Variants in HS2ST1 observed in about 807,000 individuals in gnomAD.
HS2ST1 encodes 2-O-sulfotransferase.
HS2ST1 carries 18 observed loss-of-function variants against 42.9 expected under a neutral mutation model. The observed-to-expected ratio is 0.42, with a 90% CI of 0.29 to 0.62. The LOEUF (loss-of-function observed/expected upper bound fraction) is 0.62, where lower values mean the gene tolerates loss of function less well. HS2ST1 is among the 20% of genes least tolerant of loss of function. HS2ST1 has a pLI of 0.21. For missense variants in HS2ST1, 334 were observed against 433.8 expected (o/e 0.77, Z 2.04); for synonymous variants, 146 against 152.9 (o/e 0.95, Z 0.33).
intron 1 of HS2ST1, among the ~76,000 whole-genome samples, chr1:86,923,581 A>C (rs1570423770): frequency 6.6e-6 from 1 of 152,086 alleles, no homozygotes; most frequent in Non-Finnish European, 1.5e-5. Context: ...TATTTTTAGT[A>C]GAGATGGGGT....
intron 4 of HS2ST1, among the ~76,000 whole-genome samples, chr1:87,096,572 A>G (rs1363148931): frequency 6.6e-6 from 1 of 152,118 alleles, no homozygotes; most frequent in Non-Finnish European, 1.5e-5. Flanking sequence ...GGATTTCTCA[A>G]CCTCAACATT....
At chr1:87,033,251 G>A (rs950753834) in intron 1 of HS2ST1, among the ~76,000 whole-genome samples, 1 of 152,104 alleles carries the variant, frequency 6.6e-6, no homozygotes, top group African/African-American at 2.4e-5. Context: ...GTATATTTTA[G>A]ACATGATTCC....
At chr1:87,032,138 T>C (rs1411483905) in intron 1 of HS2ST1, among the ~76,000 whole-genome samples, 1 of 152,180 alleles carries the variant, frequency 6.6e-6, no homozygotes, top group East Asian at 1.9e-4. Context: ...CTTAAATATA[T>C]CAGTTAATCA....
chr1:87,097,416 A>G (rs1440230749), intron 4 of HS2ST1, among the ~76,000 whole-genome samples: 1 of 152,062 alleles, frequency 6.6e-6, no homozygotes, highest in Non-Finnish European at 1.5e-5. Context: ...TTTTTTTGAG[A>G]CGGAGTCTTG....
intron 5 of HS2ST1, among the ~76,000 whole-genome samples, chr1:87,101,476 C>CT (rs544226667): frequency 2.6e-5 from 4 of 152,002 alleles, no homozygotes; most frequent in East Asian, 1.9e-4. Context: ...AGTCATCACT[C>CT]TAAGTTCAAA....
At chr1:86,961,725 C>T (rs1171631546) in intron 1 of HS2ST1, among the ~76,000 whole-genome samples, 1 of 152,092 alleles carries the variant, frequency 6.6e-6, no homozygotes, top group African/African-American at 2.4e-5. Context: ...TTTTTCATCA[C>T]ACTCCAGAAA....
At chr1:86,976,578 C>A (rs1648405784) in intron 1 of HS2ST1, among the ~76,000 whole-genome samples, 1 of 151,170 alleles carries the variant, frequency 6.6e-6, no homozygotes, top group South Asian at 2.1e-4. Flanking sequence ...TAATTTAACA[C>A]CACTTTTGAC....
intron 2 of HS2ST1, among the ~76,000 whole-genome samples, chr1:87,076,264 G>C (rs1651540812): frequency 1.3e-5 from 2 of 152,188 alleles, no homozygotes; most frequent in Admixed American, 1.3e-4. Context: ...TGTATGGTCT[G>C]TGATCAGATC....
chr1:86,996,229 G>T (rs1008613902), intron 1 of HS2ST1, among the ~76,000 whole-genome samples: 1 of 152,060 alleles, frequency 6.6e-6, no homozygotes, highest in Non-Finnish European at 1.5e-5. Flanking sequence ...GATCACTTGA[G>T]ATTGGGAGTT....
chr1:86,952,758 G>T (rs1003819527), intron 1 of HS2ST1, among the ~76,000 whole-genome samples: 10 of 152,138 alleles, frequency 6.6e-5, no homozygotes, highest in African/African-American at 2.4e-4. Flanking sequence ...TAAACCGGGT[G>T]GTAAACTGAG....
At chr1:86,983,868 C>T (rs1648673421) in intron 1 of HS2ST1, among the ~76,000 whole-genome samples, 1 of 151,878 alleles carries the variant, frequency 6.6e-6, no homozygotes, top group Non-Finnish European at 1.5e-5. Flanking sequence ...GGTGAAACTC[C>T]GACTCTACTA....
chr1:86,922,203 G>A (rs1660314202), intron 1 of HS2ST1, among the ~76,000 whole-genome samples: 2 of 150,644 alleles, frequency 1.3e-5, no homozygotes, highest in Admixed American at 1.3e-4. Flanking sequence ...AGGGTTTATG[G>A]TATACATGAT....
intron 1 of HS2ST1, among the ~76,000 whole-genome samples, chr1:87,054,538 G>A (rs1158274276): frequency 6.6e-6 from 1 of 152,158 alleles, no homozygotes; most frequent in Non-Finnish European, 1.5e-5. Context: ...TATCACTTGT[G>A]AACCTGCTTT....
At position 86,928,737 on chromosome 1, in the gene HS2ST1, A is replaced by C. The variant is rs555657960; in HGVS notation, c.124+13577A>C. On this transcript the variant is annotated intron_variant, in intron 1 of 6. Transcript: ENST00000370550. ...ATTCATCATTGTCTTCTAGGACATA[A>C]ATTTCTTATTTTCCTTCCTACTTTG... 4.6e-5 allele frequency among the ~76,000 whole-genome samples: 7 copies of C among 152,094 alleles called. No individual in the cohort carries two copies. In the East Asian group the frequency reaches 9.6e-4, roughly 21 times the overall value.
In HS2ST1 at chr1:86,970,063, C is replaced by T. The variant is rs144239850; in HGVS notation, c.124+54903C>T. Among the ~76,000 whole-genome samples, 984 of 150,440 alleles carry T rather than the reference C, an allele frequency of 6.5e-3. 9 individuals carry two copies. The highest frequency in any genetic ancestry group is 0.023 in the African/African-American group (954 of 40,856). On this transcript the variant is annotated intron_variant, in intron 1 of 6. Coordinates refer to ENST00000370550, the MANE Select transcript of HS2ST1 (RefSeq NM_012262.4). The stretch of plus-strand genomic sequence containing the variant: ...TCACTTGAACCTGGGAGGCAGAGAT[C>T]GCGGTGAGTCAAGATCGCGCCATTG...
At chr1:87,103,699 C>G in intron 6 of HS2ST1, 110 bp downstream of exon 6, 1 of 867,110 alleles carries the variant, frequency 1.2e-6, no homozygotes, top group Non-Finnish European at 1.7e-6. Context: ...ACAGATAGCT[C>G]CAGAAAGGCA....
chr1:86,952,308 G>A (rs1366342267), intron 1 of HS2ST1, among the ~76,000 whole-genome samples: 1 of 152,084 alleles, frequency 6.6e-6, no homozygotes, highest in Admixed American at 6.6e-5. Context: ...TGTGATCTCG[G>A]CTCACTGCAG....
At chr1:86,926,957 C>T (rs1201453541) in intron 1 of HS2ST1, among the ~76,000 whole-genome samples, 2 of 152,152 alleles carry the variant, frequency 1.3e-5, no homozygotes, top group African/African-American at 4.8e-5. Context: ...TTTTAAGAAA[C>T]CAGGCCTTTT....
At chr1:86,962,775 A>G (rs771167070) in intron 1 of HS2ST1, among the ~76,000 whole-genome samples, 1 of 152,170 alleles carries the variant, frequency 6.6e-6, no homozygotes, top group Non-Finnish European at 1.5e-5. Context: ...TTTCAAAGTA[A>G]ATATAGGTTA....
Sources: allele counts gnomAD v4.1 joint callset (sites outside exome capture counted in the v4.1 genomes callset), GRCh38; gene constraint gnomAD v4.1.1; transcripts MANE v1.5; gene names NCBI Gene and HGNC (gene_info 2026-07-23, HGNC 2026-07-21).